The following SMAD9 variants were observed in gnomAD, a reference collection of about 807,000 sequenced individuals.
SMAD9 encodes the protein SMAD family member 9.
In SMAD9, 36 loss-of-function variants were observed where a neutral mutation model predicts 46.1. The observed-to-expected ratio is 0.78, with a 90% CI of 0.60 to 1.03. The LOEUF is 1.03. Ranked by LOEUF, SMAD9 falls within the 50% of genes least tolerant of loss-of-function variation. SMAD9 has a pLI of 0.00. For synonymous variants in SMAD9, 245 were observed against 237.1 expected, an observed-to-expected ratio of 1.03 and a Z score of -0.31; for missense variants, 572 against 599.8, an observed-to-expected ratio of 0.95 and a Z score of 0.48.
chr13:36,884,643 C>T (rs138382874), intron 1 of SMAD9, among the ~76,000 whole-genome samples: 1 of 152,176 alleles, frequency 6.6e-6, no homozygotes, highest in East Asian at 1.9e-4. Flanking sequence ...GGTAACAGTA[C>T]AGGAGACATA....
Position 36,856,220 on chromosome 13 carries a change from G to C in SMAD9, c.1004-2545C>G, listed in dbSNP as rs566018218. Among the ~76,000 whole-genome samples, 258 of 152,266 alleles carry C rather than the reference G, an allele frequency of 1.7e-3. 4 individuals are homozygous for C. The South Asian group carries it at 0.052, about 31-fold the overall frequency. ...GGGTGGGCGGAGGTTTTTTCAAGAG[G>C]GAAAGCAGGTGAAGGGGCCAGAGTG... is the stretch of plus-strand genomic sequence containing the variant. On this transcript the variant is annotated intron_variant, in intron 5 of 6. Coordinates refer to ENST00000379826, the MANE Select transcript of SMAD9 (RefSeq NM_001127217.3).
intron 2 of SMAD9, among the ~76,000 whole-genome samples, chr13:36,873,332 T>C (rs968729747): frequency 6.6e-5 from 10 of 152,134 alleles, no homozygotes; most frequent in African/African-American, 2.4e-4. Context: ...AGTCTTTTTT[T>C]CCCCCAAGGC....
chr13:36,912,501 A>T (rs1166087417), intron 1 of SMAD9, among the ~76,000 whole-genome samples: 1 of 152,172 alleles, frequency 6.6e-6, no homozygotes, highest in Admixed American at 6.5e-5. Context: ...CAGTTACTAG[A>T]AGAGTGTATT....
chr13:36,879,991 T>A (rs2058388752), intron 1 of SMAD9, 116 bp from the exon 2 acceptor site: 1 of 416,644 alleles, frequency 2.4e-6, no homozygotes, highest in Admixed American at 3.7e-5. Context: ...AGTGGGTGAA[T>A]GGCTCGAGCC....
At chr13:36,866,174 C>G (rs2138385761) in intron 4 of SMAD9, among the ~76,000 whole-genome samples, 2 of 152,110 alleles carry the variant, frequency 1.3e-5, no homozygotes, top group South Asian at 4.2e-4. Flanking sequence ...CCACTTGAAT[C>G]CTTGTGGCAA....
Position 36,846,972 on chromosome 13 carries a change from G to C in SMAD9, c.*1704C>G, listed in dbSNP as rs2058041989. 6.6e-6 allele frequency: 1 copy of C among 152,118 alleles called. No homozygotes were observed. The highest frequency in any genetic ancestry group is 2.1e-4 in the South Asian group (1 of 4,810). 9.4% of individuals were successfully genotyped at this position (152,118 alleles called of 1,614,324 possible). Reference sequence around the variant, plus strand: ...CCTAACATTGTACCTGACACCCATAGGTAGGTGCACAATACATAGTTGATG... The same window carrying C: ...CCTAACATTGTACCTGACACCCATACGTAGGTGCACAATACATAGTTGATG... On this transcript the variant is annotated 3_prime_UTR_variant, in exon 7 of 7. Coordinates refer to ENST00000379826, the MANE Select transcript of SMAD9 (RefSeq NM_001127217.3).
chr13:36,920,702 GATCACCGGCCC>G (rs2058739099), upstream of SMAD9: 1 of 152,372 alleles, frequency 6.6e-6, no homozygotes, highest in South Asian at 2.1e-4. Flanking sequence ...AAGAATATAG[GATCACCGGCCC>G]ATCAGTCTGG....
At chr13:36,864,330 T>G (rs1300987275) in intron 5 of SMAD9, among the ~76,000 whole-genome samples, 1 of 152,206 alleles carries the variant, frequency 6.6e-6, no homozygotes, top group Non-Finnish European at 1.5e-5. Context: ...CAGAGACGTT[T>G]GAACCAGAGC....
chr13:36,881,265 A>G (rs1267874662), intron 1 of SMAD9, among the ~76,000 whole-genome samples: 1 of 152,220 alleles, frequency 6.6e-6, no homozygotes, highest in Non-Finnish European at 1.5e-5. Flanking sequence ...CTACCTCATT[A>G]ATGTTTAAAG....
chr13:36,854,614 C>T (rs1272489084), intron 5 of SMAD9, among the ~76,000 whole-genome samples: 3 of 152,134 alleles, frequency 2.0e-5, no homozygotes, highest in East Asian at 3.9e-4. Flanking sequence ...TCAAGTAATC[C>T]ACCCGCCTCG....
chr13:36,847,574 C>T lies in SMAD9; in HGVS notation c.*1102G>A, dbSNP rs2058044980. 1 of 152,216 alleles carries T rather than the reference C, an allele frequency of 6.6e-6. No homozygotes were observed. Among genetic ancestry groups the T allele is most frequent in the African/African-American group, 2.4e-5 (1 of 41,454 alleles). The allele number at this position is 152,216 out of a possible 1,614,324, so 9.4% of individuals were successfully genotyped here. On this transcript the variant is annotated 3_prime_UTR_variant, in exon 7 of 7. Transcript: ENST00000379826. ...ATTTCCAGGTTAGATAATCACTAGA[C>T]ACTAGGTTAAATAACTCATTGATCC... is the stretch of plus-strand genomic sequence containing the variant.
intron 5 of SMAD9, among the ~76,000 whole-genome samples, chr13:36,854,086 G>A (rs1283181246): frequency 1.3e-5 from 2 of 152,098 alleles, no homozygotes; most frequent in Non-Finnish European, 2.9e-5. Context: ...TTGAACCTGG[G>A]AGGCAGAGGT....
At chr13:36,888,769 T>C (rs1469611872) in intron 1 of SMAD9, among the ~76,000 whole-genome samples, 1 of 152,184 alleles carries the variant, frequency 6.6e-6, no homozygotes. Flanking sequence ...TGGGGAGACA[T>C]TCTGAAATGG....
chr13:36,878,499 C>T (rs148080453), intron 2 of SMAD9, among the ~76,000 whole-genome samples: 39 of 152,250 alleles, frequency 2.6e-4, no homozygotes, highest in African/African-American at 8.9e-4. Context: ...GGTGTTCACA[C>T]AAGGAAGAAA....
intron 1 of SMAD9, among the ~76,000 whole-genome samples, chr13:36,882,737 T>C (rs929487904): frequency 5.3e-5 from 8 of 152,204 alleles, no homozygotes; most frequent in African/African-American, 1.4e-4. Flanking sequence ...GGTATACAGA[T>C]GTTCAAAATA....
intron 1 of SMAD9, among the ~76,000 whole-genome samples, chr13:36,892,635 A>G (rs1442026750): frequency 1.3e-5 from 2 of 152,188 alleles, no homozygotes; most frequent in Non-Finnish European, 2.9e-5. Flanking sequence ...ATCGGACTAC[A>G]TCAGGAACGA....
intron 1 of SMAD9, among the ~76,000 whole-genome samples, chr13:36,896,361 T>C (rs538223455): frequency 6.6e-6 from 1 of 151,876 alleles, no homozygotes; most frequent in South Asian, 2.1e-4. Flanking sequence ...TCGAACTCCT[T>C]GGCTCAAGCA....
rs762883731 is a variant in SMAD9 at position 36,872,689 on chromosome 13, A to G, written c.639T>C (p.Pro213=). Residue 213 remains proline (P), a synonymous_variant, in exon 3 of 7, where the codon CCT becomes CCC. Transcript: ENST00000379826. ...TASYPHSPGS[P]SEPESPYQHS... ...GTTGATAGGGACTCTCTGGCTCAGA[A>G]GGACTTCCTGGGGAGTGAGGGTAGC... 8.7e-6 allele frequency: 14 copies of G among 1,613,908 alleles called. 1 individual carries two copies. The South Asian group carries it at 1.5e-4, about 18-fold the overall frequency.
intron 5 of SMAD9, among the ~76,000 whole-genome samples, chr13:36,864,986 G>C (rs1338819498): frequency 6.6e-6 from 1 of 152,186 alleles, no homozygotes; most frequent in African/African-American, 2.4e-5. Context: ...CCAATGAGAT[G>C]GGCTTCAAAA....
Sources: allele counts gnomAD v4.1 joint callset (sites outside exome capture counted in the v4.1 genomes callset), GRCh38; gene constraint gnomAD v4.1.1; transcripts MANE v1.5; gene names NCBI Gene and HGNC (gene_info 2026-07-23, HGNC 2026-07-21).